ANK2: variants seen among roughly 807,000 people sequenced by gnomAD.
The protein encoded by ANK2 is ankyrin 2.
ANK2 carries 83 observed loss-of-function variants against 360.5 expected under a neutral mutation model. The ratio of observed to expected loss-of-function variants is 0.23; its 90% CI spans 0.19 to 0.28. ANK2 has a LOEUF of 0.28. Among genes scored for constraint, ANK2 ranks in the 10% least tolerant of loss-of-function variants. The pLI is 1.00. For synonymous variants in ANK2, 1,740 were observed against 1,759.5 expected, an observed-to-expected ratio of 0.99 and a Z score of 0.28; for missense variants, 4,201 against 4,795.7, an observed-to-expected ratio of 0.88 and a Z score of 3.66.
the ANK2 span, among the ~76,000 whole-genome samples, chr4:112,739,864 T>G: frequency 1.3e-5 from 2 of 152,028 alleles, no homozygotes. Context: ...ATACAAAAAT[T>G]AGCCAGTCTG....
the ANK2 span, among the ~76,000 whole-genome samples, chr4:112,716,849 C>G: frequency 1.3e-5 from 2 of 152,128 alleles, no homozygotes. Flanking sequence ...AAACCTTACT[C>G]CAAAACAAAA....
At chr4:112,751,335 A>G in the ANK2 span, among the ~76,000 whole-genome samples, 1 of 152,200 alleles carries the variant, frequency 6.6e-6, no homozygotes, top group Non-Finnish European at 1.5e-5. Context: ...ATATAGTAGC[A>G]CAGTTAACAG....
At chr4:113,049,558 G>C, upstream of ANK2, 1 of 1,323,760 alleles carries the variant, frequency 7.6e-7, no homozygotes, top group Non-Finnish European at 1.0e-6. Context: ...CAGATAAACA[G>C]TTGTGGCAGC....
At chr4:112,789,932 A>G in the ANK2 span, among the ~76,000 whole-genome samples, 20,275 of 152,262 alleles carry the variant, frequency 0.13, 2,131 homozygotes, top group East Asian at 0.5. Flanking sequence ...AACCAAAAAC[A>G]TACACACCAG....
chr4:113,206,544 G>T (rs973846456), intron 4 of ANK2, among the ~76,000 whole-genome samples: 2 of 152,006 alleles, frequency 1.3e-5, no homozygotes, highest in Non-Finnish European at 2.9e-5. Flanking sequence ...ATGAAGGCAG[G>T]TACTTGCATT....
chr4:113,284,086 A>G (rs1338985653), intron 18 of ANK2, among the ~76,000 whole-genome samples: 1 of 152,198 alleles, frequency 6.6e-6, no homozygotes, highest in Non-Finnish European at 1.5e-5. Flanking sequence ...CCTTTTTTAA[A>G]GCACGATGAG....
At chr4:113,365,222 TG>T in intron 41 of ANK2, 40 bp downstream of exon 41, 4 of 1,600,400 alleles carry the variant, frequency 2.5e-6, no homozygotes, top group Non-Finnish European at 3.4e-6. Flanking sequence ...TGTGTGTGTG[TG>T]TGTGTGTGTT....
intron 18 of ANK2, among the ~76,000 whole-genome samples, chr4:113,283,385 C>G (rs922071538): frequency 6.6e-6 from 1 of 152,104 alleles, no homozygotes; most frequent in African/African-American, 2.4e-5. Context: ...AGAGGAAACT[C>G]AATAAAATAC....
intron 2 of ANK2, among the ~76,000 whole-genome samples, chr4:112,912,984 A>C (rs1253493261): frequency 6.6e-6 from 1 of 152,102 alleles, no homozygotes; most frequent in Non-Finnish European, 1.5e-5. Flanking sequence ...AATCTGCTGA[A>C]GTCTCTAAGG....
At chr4:113,245,716 G>A (rs757807008) in intron 9 of ANK2, among the ~76,000 whole-genome samples, 5 of 152,134 alleles carry the variant, frequency 3.3e-5, no homozygotes, top group Admixed American at 2.0e-4. Flanking sequence ...AGGTGGTGAC[G>A]CCTAAATCAA....
At chr4:113,101,599 A>G (rs567622324) in intron 1 of ANK2, among the ~76,000 whole-genome samples, 149 of 152,274 alleles carry the variant, frequency 9.8e-4, no homozygotes, top group African/African-American at 3.4e-3. Context: ...CAGAGCTCAT[A>G]TAACACGTCA....
At position 112,829,491 on chromosome 4, in the gene ANK2, C is replaced by CAAAAAAAAAAAAAAAAAAAAAAA. The variant is rs60272903; in HGVS notation, c.-40+11246_-40+11247insAAAAAAAAAAAAAAAAAAAAAAA. On this transcript the variant is annotated intron_variant, in intron 1 of 30. Coordinates refer to the ANK2 transcript ENST00000503271. ...GCAACATAGTATGAGCCCATCTCTA[C>CAAAAAAAAAAAAAAAAAAAAAAA]AAAAAAAAAAAAAAAAAAAGGAAGG... Among the ~76,000 whole-genome samples the CAAAAAAAAAAAAAAAAAAAAAAA allele has an allele frequency of 5.0e-3, 304 of 60,668 alleles. 28 individuals are homozygous for CAAAAAAAAAAAAAAAAAAAAAAA. Among genetic ancestry groups the CAAAAAAAAAAAAAAAAAAAAAAA allele is most frequent in the East Asian group, 6.9e-3 (21 of 3,058 alleles). 39.8% of individuals were successfully genotyped at this position (60,668 alleles called of 152,430 possible).
At chr4:113,176,466 A>ATT (rs902310362) in intron 2 of ANK2, among the ~76,000 whole-genome samples, 9 of 151,370 alleles carry the variant, frequency 5.9e-5, no homozygotes, top group African/African-American at 2.2e-4. Context: ...ATTTTATCTG[A>ATT]TTTTTTTTTG....
intron 2 of ANK2, among the ~76,000 whole-genome samples, chr4:112,947,739 T>C (rs1416812595): frequency 6.6e-6 from 1 of 152,196 alleles, no homozygotes; most frequent in Non-Finnish European, 1.5e-5. Flanking sequence ...CTACATGTTG[T>C]ATGTCATTTG....
rs201185141 is a variant in ANK2, at chr4:113,333,225, C to G, written c.3379+17C>G. On this transcript the variant is annotated intron_variant, in intron 29 of 45. Coordinates refer to ENST00000357077, the MANE Select transcript of ANK2 (RefSeq NM_001148.6). ...TGGATGAAGGTACTTTCAGATGAAG[C>G]GTTTTAAAAGAAATCTAAACTGGAA... is the stretch of plus-strand genomic sequence containing the variant. 2 of 1,612,254 alleles carry G rather than the reference C, an allele frequency of 1.2e-6. No individual in the cohort carries two copies. Among genetic ancestry groups the G allele is most frequent in the Non-Finnish European group, 1.7e-6 (2 of 1,179,024 alleles).
At chr4:113,133,400 T>C (rs1036087159) in intron 1 of ANK2, among the ~76,000 whole-genome samples, 2 of 152,154 alleles carry the variant, frequency 1.3e-5, no homozygotes, top group Non-Finnish European at 2.9e-5. Context: ...GTAGATATTC[T>C]AAATCTCATT....
chr4:113,285,885 A>G (rs997200876), intron 18 of ANK2, among the ~76,000 whole-genome samples: 1 of 152,242 alleles, frequency 6.6e-6, no homozygotes, highest in South Asian at 2.1e-4. Flanking sequence ...GCACAACGTT[A>G]TAACAAAAGA....
Position 113,336,684 on chromosome 4 carries a change from T to C in ANK2, c.3699T>C (p.Ile1233=). The stretch of plus-strand genomic sequence containing the variant: ...GAAGAAGAAAATTCCACAAACCAAT[T>C]ACCATGACCATTCCTGTCCCCAAAG... ...EPRRRKFHKP[I]TMTIPVPKAS... is the part of the protein sequence containing the mutation. Residue 1233 remains isoleucine (I), a synonymous_variant, in exon 31 of 46, where the codon ATT becomes ATC. Coordinates refer to ENST00000357077, the MANE Select transcript of ANK2 (RefSeq NM_001148.6). 6.2e-7 allele frequency: 1 copy of C among 1,614,110 alleles called. No individual in the cohort carries two copies. The highest frequency in any genetic ancestry group is 8.5e-7 in the Non-Finnish European group (1 of 1,179,998).
At chr4:112,923,650 G>A (rs189297929) in intron 2 of ANK2, among the ~76,000 whole-genome samples, 1 of 152,266 alleles carries the variant, frequency 6.6e-6, no homozygotes, top group Admixed American at 6.5e-5. Context: ...AGGGCCAAGT[G>A]CTGAAATTTG....
Sources: gnomAD v4.1 joint callset for allele counts (sites outside exome capture counted in the v4.1 genomes callset) on GRCh38, gnomAD v4.1.1 for gene constraint, MANE v1.5 for transcripts, NCBI Gene and HGNC (gene_info 2026-07-23, HGNC 2026-07-21) for gene names.